GFPT2: variants seen among roughly 807,000 people sequenced by gnomAD.
The protein encoded by GFPT2 is glutamine--fructose-6-phosphate aminotransferase [isomerizing] 2.
GFPT2 carries 62 observed loss-of-function variants against 85.6 expected under a neutral mutation model. That is an observed-to-expected ratio of 0.72 (90% confidence interval 0.59 to 0.90). The LOEUF (loss-of-function observed/expected upper bound fraction) is 0.90. Ranked by LOEUF, GFPT2 falls within the 40% of genes least tolerant of loss-of-function variation. GFPT2 has a pLI of 0.00. For synonymous variants in GFPT2, 368 were observed against 344.5 expected, an observed-to-expected ratio of 1.07 and a Z score of -0.75; for missense variants, 788 against 893.4, an observed-to-expected ratio of 0.88 and a Z score of 1.50.
intron 15 of GFPT2, among the ~76,000 whole-genome samples, chr5:180,311,956 A>T (rs1763894720): frequency 1.3e-5 from 2 of 148,438 alleles, no homozygotes; most frequent in Middle Eastern, 3.4e-3. Flanking sequence ...GCTGAGGACC[A>T]GGGAGGCAGG....
chr5:180,307,455 A>G (rs1763804375), intron 15 of GFPT2, 152 bp from the exon 16 acceptor site: 2 of 735,408 alleles, frequency 2.7e-6, no homozygotes, highest in Non-Finnish European at 4.5e-6. Context: ...CGTAGATTAC[A>G]GGAAATAACT....
intron 4 of GFPT2, 103 bp from the exon 5 acceptor site, chr5:180,331,656 C>A: frequency 1.4e-6 from 1 of 736,660 alleles, no homozygotes; most frequent in South Asian, 1.5e-5. Context: ...AACTCCAGGC[C>A]TCAAGACTTC....
rs1201201360 is a variant in GFPT2 at position 180,338,602 on chromosome 5, T to C, written c.8-2A>G. 1.9e-6 allele frequency: 3 copies of C among 1,563,818 alleles called. No individual in the cohort carries two copies. Among genetic ancestry groups the C allele is most frequent in the Non-Finnish European group, 1.8e-6 (2 of 1,135,928 alleles). On this transcript the variant is annotated splice_acceptor_variant, in intron 1 of 18. Transcript: ENST00000253778. LOFTEE classifies it high-confidence loss of function. Reference sequence around the variant, plus strand: ...TGTAGTTCATGTAGGCAAAGATTCCTGTTCAAAGAGAAAAAAATGGTGCAT... The same window carrying C: ...TGTAGTTCATGTAGGCAAAGATTCCCGTTCAAAGAGAAAAAAATGGTGCAT...
At chr5:180,319,990 G>GTTTA (rs562730992) in intron 9 of GFPT2, among the ~76,000 whole-genome samples, 10 of 152,074 alleles carry the variant, frequency 6.6e-5, no homozygotes, top group African/African-American at 1.7e-4. Flanking sequence ...GGGTCATTGT[G>GTTTA]TTTATTTATT....
intron 17 of GFPT2, among the ~76,000 whole-genome samples, chr5:180,304,022 T>C (rs374269907): frequency 6.6e-6 from 1 of 152,092 alleles, no homozygotes; most frequent in African/African-American, 2.4e-5. Context: ...TTTGATCACA[T>C]GGCCAATGGT....
intron 1 of GFPT2, among the ~76,000 whole-genome samples, chr5:180,342,006 T>C (rs1417583143): frequency 6.6e-6 from 1 of 152,182 alleles, no homozygotes; most frequent in Non-Finnish European, 1.5e-5. Context: ...AAATGAATCA[T>C]GGGGGCGGCT....
At chr5:180,340,850 G>A (rs1430471325) in intron 1 of GFPT2, among the ~76,000 whole-genome samples, 2 of 152,128 alleles carry the variant, frequency 1.3e-5, no homozygotes, top group Non-Finnish European at 2.9e-5. Context: ...TCCCATTCGT[G>A]AGGCCCATGT....
chr5:180,319,804 G>A (rs918614420), intron 9 of GFPT2, among the ~76,000 whole-genome samples: 4 of 152,024 alleles, frequency 2.6e-5, no homozygotes, highest in South Asian at 4.2e-4. Flanking sequence ...AAACTCCAGC[G>A]TACAGGAAAC....
intron 1 of GFPT2, among the ~76,000 whole-genome samples, chr5:180,339,378 C>CAAAAA (rs34123923): frequency 9.2e-5 from 6 of 65,000 alleles, no homozygotes; most frequent in Non-Finnish European, 1.5e-4. Context: ...GACTCTGTCT[C>CAAAAA]AAAAAAAAAA....
At position 180,328,265 on chromosome 5, in the gene GFPT2, GT is replaced by G; in HGVS notation, c.596+11del. 6.3e-7 allele frequency: 1 copy of G among 1,593,558 alleles called. No individual in the cohort carries two copies. Among genetic ancestry groups the G allele is most frequent in the Non-Finnish European group, 8.6e-7 (1 of 1,161,194 alleles). On this transcript the variant is annotated intron_variant, in intron 7 of 18. Coordinates refer to ENST00000253778, the MANE Select transcript of GFPT2 (RefSeq NM_005110.4). This position sits in a 1 kb window ranked among gnomAD's most constrained non-coding sequence, Gnocchi z 5.4. Reference sequence around the variant, plus strand: ...TCTTTCTTATGGGAAATGCCAGTGTGTTTTGCCTCACCGTGTGGCAACGGCT... The same window carrying G: ...TCTTTCTTATGGGAAATGCCAGTGTGTTTGCCTCACCGTGTGGCAACGGCT...
At chr5:180,348,906 T>A (rs771955959) in intron 1 of GFPT2, among the ~76,000 whole-genome samples, 12 of 151,690 alleles carry the variant, frequency 7.9e-5, no homozygotes, top group Admixed American at 2.0e-4. Flanking sequence ...CACACCTGGC[T>A]AATTTTTTGT....
chr5:180,336,638 A>C, intron 2 of GFPT2, 61 bp from the exon 3 acceptor site: 1 of 1,107,646 alleles, frequency 9.0e-7, no homozygotes, highest in Non-Finnish European at 1.4e-6. Context: ...CACTTGGCAC[A>C]GGTGCTCCGC....
At chr5:180,331,237 A>G (rs1764294694) in intron 5 of GFPT2, among the ~76,000 whole-genome samples, 1 of 152,230 alleles carries the variant, frequency 6.6e-6, no homozygotes, top group South Asian at 2.1e-4. Flanking sequence ...GTTTAATAAA[A>G]CGAAGCTCCT....
chr5:180,345,005 C>T (rs1294533137), intron 1 of GFPT2, among the ~76,000 whole-genome samples: 2 of 152,236 alleles, frequency 1.3e-5, no homozygotes, highest in Non-Finnish European at 2.9e-5. Context: ...TGGCCAGTGC[C>T]GGAACCCACC....
At chr5:180,341,034 C>T (rs918367198) in intron 1 of GFPT2, among the ~76,000 whole-genome samples, 1 of 152,176 alleles carries the variant, frequency 6.6e-6, no homozygotes, top group African/African-American at 2.4e-5. Context: ...ACAGGGTCAT[C>T]CTATGCTCAA....
chr5:180,305,650 C>T (rs1763760975), intron 16 of GFPT2, among the ~76,000 whole-genome samples: 1 of 152,228 alleles, frequency 6.6e-6, no homozygotes, highest in African/African-American at 2.4e-5. Flanking sequence ...CAGCAGCCAC[C>T]TAAACGCTTC....
At chr5:180,304,363 C>A (rs115052846) in intron 17 of GFPT2, among the ~76,000 whole-genome samples, 298 of 152,324 alleles carry the variant, frequency 2.0e-3, no homozygotes, top group African/African-American at 6.5e-3. Flanking sequence ...TGGCTTGCAA[C>A]AGGTGCCTGA....
At chr5:180,322,381 G>A (rs551135341) in intron 9 of GFPT2, among the ~76,000 whole-genome samples, 2 of 151,888 alleles carry the variant, frequency 1.3e-5, no homozygotes, top group African/African-American at 4.8e-5. Flanking sequence ...ACTTCCTCAT[G>A]GTAAATTTCT....
At chr5:180,344,546 C>G (rs1324116198) in intron 1 of GFPT2, among the ~76,000 whole-genome samples, 3 of 152,196 alleles carry the variant, frequency 2.0e-5, no homozygotes, top group African/African-American at 7.2e-5. Flanking sequence ...TGACGCAGAC[C>G]TGCCTGGTTC....
Sources: gnomAD v4.1 joint callset for allele counts (sites outside exome capture counted in the v4.1 genomes callset) on GRCh38, gnomAD v4.1.1 for gene constraint, Gnocchi (gnomAD v3.1) non-coding constraint, MANE v1.5 for transcripts, NCBI Gene and HGNC (gene_info 2026-07-23, HGNC 2026-07-21) for gene names.